The following PRKN variants were observed in gnomAD, a reference collection of about 807,000 sequenced individuals.
The protein encoded by PRKN is E3 ubiquitin-protein ligase parkin.
In PRKN, 56 loss-of-function variants were observed where a neutral mutation model predicts 59.5. The observed-to-expected ratio is 0.94, with a 90% CI of 0.76 to 1.18. The LOEUF is 1.18. Among genes scored for constraint, PRKN ranks in the 50% most tolerant of loss-of-function variants. PRKN has a pLI of 0.00. For synonymous variants in PRKN, 250 were observed against 222.1 expected, an observed-to-expected ratio of 1.13 and a Z score of -1.12; for missense variants, 657 against 596.4, an observed-to-expected ratio of 1.10 and a Z score of -1.06.
At position 161,350,067 on chromosome 6, in the gene PRKN, G is replaced by A; in HGVS notation, c.*32C>T. On this transcript the variant is annotated 3_prime_UTR_variant, in exon 12 of 12. Transcript: ENST00000366898. ...GGTAGACACTGGGTATGCTCCCCCA[G>A]GATGTGGCGATGGGGCGCCCGGCCG... 2.2e-6 allele frequency: 3 copies of A among 1,348,320 alleles called. No homozygotes were observed. The highest frequency in any genetic ancestry group is 2.1e-6 in the Non-Finnish European group (2 of 939,962). The allele number at this position is 1,348,320 out of a possible 1,614,324, so 83.5% of individuals were successfully genotyped here.
chr6:161,712,216 A>C (rs1461807047), intron 7 of PRKN, among the ~76,000 whole-genome samples: 2 of 152,178 alleles, frequency 1.3e-5, no homozygotes, highest in East Asian at 3.9e-4. Flanking sequence ...GCCTCAAGTA[A>C]ATGAATTTCA....
intron 7 of PRKN, among the ~76,000 whole-genome samples, chr6:161,729,382 T>C (rs1418251362): frequency 6.6e-6 from 1 of 151,598 alleles, no homozygotes; most frequent in Non-Finnish European, 1.5e-5. Flanking sequence ...AAATGACAGT[T>C]TTTTTTTGCG....
chr6:162,339,529 C>T (rs867305946), intron 2 of PRKN, among the ~76,000 whole-genome samples: 1 of 128,932 alleles, frequency 7.8e-6, no homozygotes, highest in Non-Finnish European at 1.8e-5. Context: ...GGGTCAGCCC[C>T]CCGCCCGGCC....
intron 9 of PRKN, among the ~76,000 whole-genome samples, chr6:161,421,863 T>C (rs1415860263): frequency 6.6e-6 from 1 of 152,170 alleles, no homozygotes; most frequent in African/African-American, 2.4e-5. Context: ...ATCAGTGGTG[T>C]TGAAGAAATT....
At chr6:162,675,646 T>C (rs1293913818) in intron 1 of PRKN, among the ~76,000 whole-genome samples, 1 of 152,188 alleles carries the variant, frequency 6.6e-6, no homozygotes, top group Non-Finnish European at 1.5e-5. Flanking sequence ...AGAAACACTT[T>C]AATAAATGTA....
intron 2 of PRKN, among the ~76,000 whole-genome samples, chr6:162,339,761 A>G (rs1481393166): frequency 6.6e-6 from 1 of 151,638 alleles, no homozygotes; most frequent in African/African-American, 2.4e-5. Context: ...AAAGAAGTAG[A>G]CATGGGAGAC....
intron 6 of PRKN, among the ~76,000 whole-genome samples, chr6:161,851,705 C>T (rs1041547742): frequency 4.2e-4 from 62 of 147,636 alleles, no homozygotes; most frequent in Non-Finnish European, 5.4e-4. Flanking sequence ...AGTCTGGTCT[C>T]GAACTCCTGA....
intron 1 of PRKN, among the ~76,000 whole-genome samples, chr6:162,590,455 T>C (rs982140003): frequency 1.3e-5 from 2 of 152,202 alleles, no homozygotes; most frequent in Non-Finnish European, 2.9e-5. Flanking sequence ...CTTTCTTTTT[T>C]TTATTAAGAT....
intron 4 of PRKN, among the ~76,000 whole-genome samples, chr6:162,150,342 TTC>T (rs1406256467): frequency 6.6e-6 from 1 of 152,162 alleles, no homozygotes; most frequent in Non-Finnish European, 1.5e-5. Flanking sequence ...TTTGGGGGCC[TTC>T]TCTGTTTCTG....
At chr6:161,476,783 C>T (rs1290927972) in intron 9 of PRKN, among the ~76,000 whole-genome samples, 1 of 152,226 alleles carries the variant, frequency 6.6e-6, no homozygotes, top group Non-Finnish European at 1.5e-5. Flanking sequence ...TTGGCTCTGA[C>T]TGGGACATTC....
intron 3 of PRKN, among the ~76,000 whole-genome samples, chr6:162,230,728 T>A (rs1215601127): frequency 2.0e-5 from 3 of 152,206 alleles, no homozygotes; most frequent in Admixed American, 2.0e-4. Flanking sequence ...TTTGCTGTCA[T>A]GCCAATGAAT....
chr6:161,574,322 A>T (rs1024436952), intron 7 of PRKN, among the ~76,000 whole-genome samples: 4 of 152,130 alleles, frequency 2.6e-5, no homozygotes, highest in African/African-American at 9.7e-5. Context: ...GGCAGAGAGG[A>T]AAACATGGGC....
At position 161,391,977 on chromosome 6, in the gene PRKN, C is replaced by T. The variant is rs1378722336; in HGVS notation, c.1084-5100G>A. 1.3e-5 allele frequency among the ~76,000 whole-genome samples: 2 copies of T among 151,696 alleles called. No individual in the cohort carries two copies. The highest frequency in any genetic ancestry group is 2.9e-5 in the Non-Finnish European group (2 of 67,972). On this transcript the variant is annotated intron_variant, in intron 9 of 11. Coordinates refer to ENST00000366898, the MANE Select transcript of PRKN (RefSeq NM_004562.3). This position sits in a 1 kb window ranked among gnomAD's most constrained non-coding sequence, Gnocchi z 4.9. ...GATATATAGATACAATGTGTGCCTG[C>T]ATGTATATATATGTAGGGATATACA...
intron 5 of PRKN, among the ~76,000 whole-genome samples, chr6:162,028,544 A>T (rs1012528132): frequency 8.5e-5 from 13 of 152,172 alleles, no homozygotes; most frequent in Non-Finnish European, 1.5e-4. Flanking sequence ...TTTCTTTAGG[A>T]AATAAGCAGT....
Position 161,584,347 on chromosome 6 carries a change from A to T in PRKN, c.872-14931T>A, listed in dbSNP as rs1467752889. 6.6e-6 allele frequency among the ~76,000 whole-genome samples: 1 copy of T among 152,244 alleles called. No homozygotes were observed. The highest frequency in any genetic ancestry group is 6.5e-5 in the Admixed American group (1 of 15,282). On this transcript the variant is annotated intron_variant, in intron 7 of 11. Coordinates refer to ENST00000366898, the MANE Select transcript of PRKN (RefSeq NM_004562.3). The surrounding 1 kb of genome is among the most constrained non-coding windows in gnomAD (Gnocchi z 4.8). Reference sequence around the variant, plus strand: ...GGTGACTCATAGAGCAGTCACCCACATAATTGCTCTGAATATAATGGTGCT... The same window carrying T: ...GGTGACTCATAGAGCAGTCACCCACTTAATTGCTCTGAATATAATGGTGCT...
At chr6:161,947,658 G>C (rs926321834) in intron 6 of PRKN, among the ~76,000 whole-genome samples, 1 of 152,204 alleles carries the variant, frequency 6.6e-6, no homozygotes, top group South Asian at 2.1e-4. Context: ...TCGCAAGAAA[G>C]AAAGTTCCTT....
At chr6:162,483,270 C>T (rs1442260623) in intron 1 of PRKN, among the ~76,000 whole-genome samples, 1 of 152,076 alleles carries the variant, frequency 6.6e-6, no homozygotes, top group Non-Finnish European at 1.5e-5. Flanking sequence ...TTGGGTGAGA[C>T]ACCTGTGAAG....
At chr6:161,613,416 A>G (rs147758268) in intron 7 of PRKN, among the ~76,000 whole-genome samples, 2,017 of 152,232 alleles carry the variant, frequency 0.013, 28 homozygotes, top group Non-Finnish European at 0.018. Context: ...CACTGGGAAC[A>G]TTGTTGAAAT....
intron 6 of PRKN, among the ~76,000 whole-genome samples, chr6:161,874,970 AATT>A (rs1562356581): frequency 1.3e-5 from 1 of 75,690 alleles, no homozygotes; most frequent in Non-Finnish European, 2.2e-5. Flanking sequence ...TATAATATAT[AATT>A]TATTATATTA....
Sources: allele counts gnomAD v4.1 joint callset (sites outside exome capture counted in the v4.1 genomes callset), GRCh38; gene constraint gnomAD v4.1.1; non-coding constraint Gnocchi (gnomAD v3.1); transcripts MANE v1.5; gene names NCBI Gene and HGNC (gene_info 2026-07-23, HGNC 2026-07-21).